Variants in UBE3D observed in about 807,000 individuals in gnomAD.
The protein encoded by UBE3D is E3 ubiquitin-protein ligase E3D.
UBE3D carries 48 observed loss-of-function variants against 49.6 expected under a neutral mutation model. That is an observed-to-expected ratio of 0.97 (90% CI 0.77 to 1.23). UBE3D has a LOEUF of 1.23. UBE3D is among the 50% of genes most tolerant of loss of function. UBE3D has a pLI of 0.00. For missense variants in UBE3D, 452 were observed against 468.4 expected, an observed-to-expected ratio of 0.96 and a Z score of 0.32; for synonymous variants, 189 against 174.2, an observed-to-expected ratio of 1.08 and a Z score of -0.67.
At chr6:83,014,795 T>C (rs1429833282) in intron 8 of UBE3D, among the ~76,000 whole-genome samples, 1 of 152,166 alleles carries the variant, frequency 6.6e-6, no homozygotes, top group Non-Finnish European at 1.5e-5. Flanking sequence ...CGGACTCCCC[T>C]TCATTCAAGG....
chr6:82,889,866 T>A (rs1332198811), downstream of UBE3D, among the ~76,000 whole-genome samples: 1 of 151,634 alleles, frequency 6.6e-6, no homozygotes, highest in Non-Finnish European at 1.5e-5. Flanking sequence ...CTATATAGGT[T>A]TGCCAAAATG....
At chr6:82,994,857 T>C (rs535522128) in intron 8 of UBE3D, among the ~76,000 whole-genome samples, 1 of 152,322 alleles carries the variant, frequency 6.6e-6, no homozygotes, top group African/African-American at 2.4e-5. Context: ...AATGAGTTTC[T>C]TCTACCTTGA....
chr6:82,887,402 T>TG (rs1562053929), downstream of UBE3D, among the ~76,000 whole-genome samples: 41 of 146,814 alleles, frequency 2.8e-4, 1 homozygote, highest in Admixed American at 6.0e-4. Context: ...TTTTTTTTTT[T>TG]TTTTTTTTTT....
chr6:82,986,132 T>C (rs1219727634), intron 8 of UBE3D, among the ~76,000 whole-genome samples: 2 of 152,158 alleles, frequency 1.3e-5, no homozygotes, highest in African/African-American at 2.4e-5. Flanking sequence ...TTAATGATAG[T>C]TACCGTCTTA....
chr6:83,053,417 A>G (rs1010778211), intron 3 of UBE3D, among the ~76,000 whole-genome samples: 2 of 152,228 alleles, frequency 1.3e-5, no homozygotes, highest in Non-Finnish European at 2.9e-5. Context: ...ATTAACAATA[A>G]TTAGGATTTA....
chr6:82,989,764 T>C (rs1389015584), intron 8 of UBE3D, among the ~76,000 whole-genome samples: 1 of 152,166 alleles, frequency 6.6e-6, no homozygotes, highest in African/African-American at 2.4e-5. Context: ...TAAAGCCCAA[T>C]TCAATCCCAT....
chr6:82,997,301 T>C (rs754238297), intron 8 of UBE3D, among the ~76,000 whole-genome samples: 1 of 152,008 alleles, frequency 6.6e-6, no homozygotes, highest in African/African-American at 2.4e-5. Context: ...AAATAAATCA[T>C]GAAATACATT....
intron 8 of UBE3D, among the ~76,000 whole-genome samples, chr6:83,012,539 G>T (rs1028942523): frequency 6.6e-6 from 1 of 152,158 alleles, no homozygotes; most frequent in East Asian, 1.9e-4. Context: ...GGGGAAAGAG[G>T]CTGAGAATGA....
At chr6:82,988,663 C>T (rs1778687882) in intron 8 of UBE3D, among the ~76,000 whole-genome samples, 1 of 152,122 alleles carries the variant, frequency 6.6e-6, no homozygotes, top group African/African-American at 2.4e-5. Context: ...TTGTATACTG[C>T]ATGCATGAAA....
chr6:83,007,266 AAT>A (rs1780041960), intron 8 of UBE3D, among the ~76,000 whole-genome samples: 1 of 152,160 alleles, frequency 6.6e-6, no homozygotes, highest in East Asian at 1.9e-4. Context: ...AAATATTAAT[AAT>A]AGTCAAATGT....
the UBE3D span, among the ~76,000 whole-genome samples, chr6:82,887,389 G>GTTTTTGTTTTTTTTTTTTTTTTTTTTT: frequency 1.0e-5 from 1 of 98,368 alleles, no homozygotes; most frequent in African/African-American, 5.1e-5. Context: ...GACAGTAACA[G>GTTTTTGTTTTTTTTTTTTTTTTTTTTT]TTTTTTTTTT....
Position 83,065,653 on chromosome 6 carries a change from A to G in UBE3D, c.66T>C (p.Leu22=). 1 of 1,613,936 alleles carries G rather than the reference A, an allele frequency of 6.2e-7. No homozygotes were observed. The highest frequency in any genetic ancestry group is 8.5e-7 in the Non-Finnish European group (1 of 1,179,914). Residue 22 remains leucine, a synonymous_variant, in exon 1 of 10, where the codon CTT becomes CTC. Transcript: ENST00000369747. The part of the protein sequence containing the change: ...LEVRGQLQSA[L]LILGEPKEGG... ...ATCCCAGTTCTTACCCCAGGATCAGAAGCGCGCTCTGCAGCTGTCCCCGCA... is the reference window on the plus strand; with the variant it reads ...ATCCCAGTTCTTACCCCAGGATCAGGAGCGCGCTCTGCAGCTGTCCCCGCA...
intron 5 of UBE3D, chr6:83,036,020 CT>C (rs11448547): frequency 0.094 from 10,217 of 108,460 alleles, 201 homozygotes; most frequent in Middle Eastern, 0.12. Context: ...TTTTGTACTT[CT>C]TTTTTTTTTT....
chr6:82,935,683 C>G (rs1196959214), intron 9 of UBE3D, among the ~76,000 whole-genome samples: 2 of 152,080 alleles, frequency 1.3e-5, no homozygotes, highest in African/African-American at 4.8e-5. Flanking sequence ...AGAAAGGAGA[C>G]AGTTTATCTT....
At chr6:82,957,259 TA>T (rs1168232278) in intron 9 of UBE3D, 52 bp downstream of exon 9, 13 of 1,585,160 alleles carry the variant, frequency 8.2e-6, no homozygotes, top group Non-Finnish European at 1.0e-5. Context: ...CCTTAAAAAA[TA>T]ATTCCAAGTA....
At chr6:83,039,598 T>C (rs1362147999) in intron 4 of UBE3D, among the ~76,000 whole-genome samples, 1 of 152,140 alleles carries the variant, frequency 6.6e-6, no homozygotes, top group Admixed American at 6.5e-5. Flanking sequence ...AACCAATTCA[T>C]GGAACCAATT....
Position 83,037,686 on chromosome 6 carries a change from A to T in UBE3D, c.667+730T>A, listed in dbSNP as rs939150766. 6.6e-5 allele frequency: 10 copies of T among 152,248 alleles called. No homozygotes were observed. In the East Asian group the frequency reaches 1.9e-3, roughly 29 times the overall value. The allele number at this position is 152,248 out of a possible 1,614,324, so 9.4% of individuals were successfully genotyped here. A position where few individuals can be genotyped will look rare whatever the true frequency, so the allele number is the denominator to read the frequency against. ...CTAATTAACTGTATTAAAAGTAATT[A>T]TTCATCATCCAAAGCTAACACAGCA... On this transcript the variant is annotated intron_variant, in intron 5 of 9. Transcript: ENST00000369747.
chr6:83,039,876 G>A (rs988864230), intron 4 of UBE3D, among the ~76,000 whole-genome samples: 1 of 151,930 alleles, frequency 6.6e-6, no homozygotes, highest in African/African-American at 2.4e-5. Context: ...TCCTGACCTC[G>A]TGATCCACCC....
At chr6:82,928,156 G>A (rs1377823482) in intron 9 of UBE3D, among the ~76,000 whole-genome samples, 3 of 151,964 alleles carry the variant, frequency 2.0e-5, no homozygotes, top group Non-Finnish European at 4.4e-5. Context: ...AGGGGTATAT[G>A]AGAATCTCTG....
Sources: allele counts gnomAD v4.1 joint callset (sites outside exome capture counted in the v4.1 genomes callset), GRCh38; gene constraint gnomAD v4.1.1; transcripts MANE v1.5; gene names NCBI Gene and HGNC (gene_info 2026-07-23, HGNC 2026-07-21).